CSMD3: variants seen among roughly 807,000 people sequenced by gnomAD.
The protein encoded by CSMD3 is CUB and Sushi multiple domains 3, also known as CUB and sushi domain-containing protein 3.
Under a neutral mutation model 435.2 loss-of-function variants are expected in CSMD3, and 177 were observed. That is an observed-to-expected ratio of 0.41 (90% CI 0.36 to 0.46). CSMD3 has a LOEUF of 0.46. CSMD3 is among the 20% of genes least tolerant of loss of function. The pLI, the probability that CSMD3 is intolerant of heterozygous loss-of-function variation, is 0.34. For synonymous variants in CSMD3, 1,656 were observed against 1,520.5 expected (o/e 1.09, Z -2.07); for missense variants, 4,265 against 4,504.6 (o/e 0.95, Z 1.52).
intron 9 of CSMD3, among the ~76,000 whole-genome samples, chr8:112,943,598 C>A (rs916710940): frequency 2.0e-5 from 3 of 151,684 alleles, no homozygotes; most frequent in Non-Finnish European, 4.4e-5. Context: ...ACTAAAAGTA[C>A]ATTACTTCAT....
chr8:112,853,169 C>T (rs1292850375), intron 11 of CSMD3, among the ~76,000 whole-genome samples: 1 of 152,092 alleles, frequency 6.6e-6, no homozygotes, highest in Non-Finnish European at 1.5e-5. Flanking sequence ...AGAATATTTT[C>T]AACTAGGCAT....
chr8:112,459,778 C>T (rs1329941664), intron 32 of CSMD3, among the ~76,000 whole-genome samples: 2 of 152,108 alleles, frequency 1.3e-5, no homozygotes, highest in Non-Finnish European at 2.9e-5. Flanking sequence ...TGGTCTCTGC[C>T]TTCTTTACCA....
intron 10 of CSMD3, among the ~76,000 whole-genome samples, chr8:112,898,427 G>A (rs1432684572): frequency 6.6e-6 from 1 of 151,030 alleles, no homozygotes; most frequent in Non-Finnish European, 1.5e-5. Flanking sequence ...TGTTACTTGG[G>A]CATAAAAGAC....
chr8:112,903,912 C>T (rs925769819), intron 10 of CSMD3, among the ~76,000 whole-genome samples: 1 of 151,184 alleles, frequency 6.6e-6, no homozygotes, highest in African/African-American at 2.4e-5. Flanking sequence ...AGACAGAGTC[C>T]CTTCCCAAAC....
At chr8:113,295,767 T>A (rs561634365) in intron 2 of CSMD3, among the ~76,000 whole-genome samples, 1 of 152,268 alleles carries the variant, frequency 6.6e-6, no homozygotes, top group South Asian at 2.1e-4. Flanking sequence ...GAACTAGAAA[T>A]ACCATTTGAC....
chr8:112,672,279 T>A (rs903100427), intron 16 of CSMD3, among the ~76,000 whole-genome samples: 1 of 152,046 alleles, frequency 6.6e-6, no homozygotes, highest in African/African-American at 2.4e-5. Flanking sequence ...AAAACACTAA[T>A]CTGTGTGGGG....
intron 45 of CSMD3, among the ~76,000 whole-genome samples, chr8:112,329,377 T>C (rs1823817952): frequency 6.6e-6 from 1 of 152,154 alleles, no homozygotes; most frequent in Admixed American, 6.6e-5. Flanking sequence ...TCAGCCAACA[T>C]TAGTGAATAG....
intron 4 of CSMD3, among the ~76,000 whole-genome samples, chr8:113,173,386 A>C (rs1221242613): frequency 6.6e-6 from 1 of 152,000 alleles, no homozygotes; most frequent in Non-Finnish European, 1.5e-5. Flanking sequence ...CAGTGGCGCG[A>C]TCTCAGCTCA....
chr8:112,291,500 A>G lies in CSMD3; in HGVS notation c.8974+10T>C, dbSNP rs1819760276. The G allele has an allele frequency of 2.5e-6, 4 of 1,569,962 alleles. No individual in the cohort carries two copies. Among genetic ancestry groups the G allele is most frequent in the Non-Finnish European group, 3.5e-6 (4 of 1,140,840 alleles). On this transcript the variant is annotated intron_variant, in intron 56 of 70. Transcript: ENST00000297405. ...ATGTTCTCAAGAAACAATTCACATT[A>G]TCTACTTACTGATACATTCTGGTAA...
At chr8:112,631,453 C>T (rs546470793) in intron 22 of CSMD3, among the ~76,000 whole-genome samples, 1 of 152,012 alleles carries the variant, frequency 6.6e-6, no homozygotes, top group Non-Finnish European at 1.5e-5. Flanking sequence ...AATTGTGCAT[C>T]AATAAATAAG....
intron 16 of CSMD3, among the ~76,000 whole-genome samples, chr8:112,681,975 T>C (rs1195583143): frequency 6.6e-6 from 1 of 152,076 alleles, no homozygotes; most frequent in Non-Finnish European, 1.5e-5. Context: ...TGAAAAAAAT[T>C]AGCAAATGAT....
intron 38 of CSMD3, among the ~76,000 whole-genome samples, chr8:112,377,166 A>C (rs1261476909): frequency 6.6e-6 from 1 of 152,136 alleles, no homozygotes; most frequent in Non-Finnish European, 1.5e-5. Context: ...ATAATAAAAA[A>C]GTAGGCATTA....
At chr8:112,232,624 T>A (rs1331398465) in intron 68 of CSMD3, among the ~76,000 whole-genome samples, 1 of 152,008 alleles carries the variant, frequency 6.6e-6, no homozygotes, top group Non-Finnish European at 1.5e-5. Flanking sequence ...AATGAAAGTA[T>A]TTTATAATCA....
intron 49 of CSMD3, among the ~76,000 whole-genome samples, chr8:112,312,361 T>C (rs1822063125): frequency 6.6e-6 from 1 of 152,050 alleles, no homozygotes; most frequent in Admixed American, 6.6e-5. Flanking sequence ...TTCAAGTGAT[T>C]CTCCTGCCCC....
chr8:112,634,654 C>G (rs1241161008), intron 22 of CSMD3, among the ~76,000 whole-genome samples: 3 of 151,898 alleles, frequency 2.0e-5, no homozygotes, highest in Non-Finnish European at 2.9e-5. Flanking sequence ...AAAATTAACT[C>G]AATGGTAGAT....
At chr8:112,628,163 C>G (rs1047016848) in intron 22 of CSMD3, among the ~76,000 whole-genome samples, 1 of 151,950 alleles carries the variant, frequency 6.6e-6, no homozygotes, top group Non-Finnish European at 1.5e-5. Flanking sequence ...TATCACACAC[C>G]TTTTTTACCT....
intron 12 of CSMD3, among the ~76,000 whole-genome samples, chr8:112,827,932 T>C (rs2079748034): frequency 6.6e-6 from 1 of 152,150 alleles, no homozygotes; most frequent in Non-Finnish European, 1.5e-5. Context: ...AAGCCATAAA[T>C]TCAAATTTTT....
At chr8:113,219,260 A>C (rs2092940605) in intron 3 of CSMD3, among the ~76,000 whole-genome samples, 1 of 151,386 alleles carries the variant, frequency 6.6e-6, no homozygotes, top group African/African-American at 2.4e-5. Context: ...AACTGAAGAA[A>C]TATGACAATA....
chr8:112,410,638 G>GTATATATATGTGTATATATATA (rs1563913184), intron 32 of CSMD3, among the ~76,000 whole-genome samples: 1 of 50,252 alleles, frequency 2.0e-5, no homozygotes, highest in Non-Finnish European at 4.0e-5. Context: ...GTATATATAT[G>GTATATATATGTGTATATATATA]TATATATATA....
Sources: allele counts gnomAD v4.1 joint callset (sites outside exome capture counted in the v4.1 genomes callset), GRCh38; gene constraint gnomAD v4.1.1; transcripts MANE v1.5; gene names NCBI Gene and HGNC (gene_info 2026-07-23, HGNC 2026-07-21).